Variants in R3HDM4 observed in about 807,000 individuals in gnomAD.
R3HDM4 encodes R3H domain containing 4.
In R3HDM4, 30 loss-of-function variants were observed where a neutral mutation model predicts 31.3. The observed-to-expected ratio is 0.96, with a 90% CI of 0.72 to 1.30. The LOEUF (loss-of-function observed/expected upper bound fraction) is 1.30. R3HDM4 is among the 50% of genes most tolerant of loss of function. R3HDM4 has a pLI of 0.00. For synonymous variants in R3HDM4, 196 were observed against 156.6 expected, an observed-to-expected ratio of 1.25 and a Z score of -1.88; for missense variants, 444 against 366.1, an observed-to-expected ratio of 1.21 and a Z score of -1.74.
In R3HDM4 at chr19:897,536, A is replaced by C; in HGVS notation, c.708T>G (p.Ala236=). The change falls in exon 8 of 8, where the codon GCT becomes GCG. Residue 236 remains alanine (A), a synonymous_variant. Coordinates refer to ENST00000361574, the MANE Select transcript of R3HDM4 (RefSeq NM_138774.4). ...CQYMDLISAS[A]DLEGKRQMKV... The stretch of plus-strand genomic sequence containing the variant: ...TCATCTGCCGCTTCCCCTCCAGGTC[A>C]GCACCTGCAGACGGGACCAGCGGGG... The C allele has an allele frequency of 4.3e-6, 7 of 1,610,842 alleles. No individual in the cohort carries two copies. Among genetic ancestry groups the C allele is most frequent in the Non-Finnish European group, 5.9e-6 (7 of 1,178,630 alleles).
intron 1 of R3HDM4, among the ~76,000 whole-genome samples, chr19:905,866 C>T (rs916647792): frequency 2.6e-5 from 4 of 152,154 alleles, no homozygotes; most frequent in Non-Finnish European, 4.4e-5. Flanking sequence ...GGCAGAGGCA[C>T]GGGTCAAGCT....
rs1000829934 is a variant in R3HDM4, at chr19:902,079, G to A, written c.123C>T (p.Leu41=). Residue 41 remains leucine, a synonymous_variant, in exon 2 of 8, where the codon CTC becomes CTT. Coordinates refer to ENST00000361574, the MANE Select transcript of R3HDM4 (RefSeq NM_138774.4). ...PALASSQVKR[L]SASRRKQHFI... ...AGTGCTGTTTCCGCCTGGAAGCCGAGAGTCTCTTCACCTGGGAGCTGGCTA... is the reference window on the plus strand; with the variant it reads ...AGTGCTGTTTCCGCCTGGAAGCCGAAAGTCTCTTCACCTGGGAGCTGGCTA... 25 of 1,613,778 alleles carry A rather than the reference G, an allele frequency of 1.5e-5. No homozygotes were observed. Among genetic ancestry groups the A allele is most frequent in the Non-Finnish European group, 2.1e-5 (25 of 1,180,018 alleles).
intron 1 of R3HDM4, among the ~76,000 whole-genome samples, chr19:906,638 GT>G (rs893493605): frequency 2.6e-5 from 4 of 152,058 alleles, no homozygotes; most frequent in Non-Finnish European, 1.5e-5. Context: ...CCACTTGCTT[GT>G]TTTCCTCCTA....
chr19:907,557 G>A lies in R3HDM4; in HGVS notation c.72-5427C>T, dbSNP rs988183107. On this transcript the variant is annotated intron_variant, in intron 1 of 7. Coordinates refer to ENST00000361574, the MANE Select transcript of R3HDM4 (RefSeq NM_138774.4). The surrounding 1 kb of genome is among the most constrained non-coding windows in gnomAD (Gnocchi z 4.1). Reference sequence around the variant, plus strand: ...GCTTGGAGAGGTGGGGCTGTCCCCCGTCACCACCCAGACAATGCAAGGAGC... The same window carrying A: ...GCTTGGAGAGGTGGGGCTGTCCCCCATCACCACCCAGACAATGCAAGGAGC... 2.6e-5 allele frequency among the ~76,000 whole-genome samples: 4 copies of A among 152,046 alleles called. No individual in the cohort carries two copies. Among genetic ancestry groups the A allele is most frequent in the African/African-American group, 9.7e-5 (4 of 41,406 alleles).
In R3HDM4 at chr19:907,817, G is replaced by A. The variant is rs761868385; in HGVS notation, c.71+5270C>T. On this transcript the variant is annotated intron_variant, in intron 1 of 7. Transcript: ENST00000361574. The surrounding 1 kb of genome is among the most constrained non-coding windows in gnomAD (Gnocchi z 4.1). ...TGTTTTGTTTGGTATCTGAGGGCTC[G>A]CCACCCTCCCCTGGGTCTCTAGTGC... Among the ~76,000 whole-genome samples the A allele has an allele frequency of 3.9e-5, 6 of 152,274 alleles. No homozygotes were observed. In the East Asian group the frequency reaches 1.2e-3, roughly 29 times the overall value.
rs765056336 is a variant in R3HDM4, at chr19:900,931, G to A, written c.373C>T (p.Arg125Cys). Residue 125 changes from arginine (R) to cysteine (C), a missense_variant, in exon 4 of 8, where the codon CGC becomes TGC. Arg to Cys is a radical substitution (Grantham distance 180). Coordinates refer to ENST00000361574, the MANE Select transcript of R3HDM4 (RefSeq NM_138774.4). ...ACCCGCTCCTGCTCCTCCCCGGAGC[G>A]GTTCATGAAATCGTTCCAGACCTGG... Reference protein sequence around the residue: ...YVEVWNDFMNRSGEEQERVLR... With the variant: ...YVEVWNDFMNCSGEEQERVLR... 9.3e-6 allele frequency: 15 copies of A among 1,605,664 alleles called. No individual in the cohort carries two copies. The Admixed American group carries it at 1.9e-4, about 20-fold the overall frequency.
At position 913,050 on chromosome 19, in the gene R3HDM4, C is replaced by CGGCG; in HGVS notation, c.71+36_71+37insCGCC. On this transcript the variant is annotated intron_variant, in intron 1 of 7. Coordinates refer to ENST00000361574, the MANE Select transcript of R3HDM4 (RefSeq NM_138774.4). This position sits in a 1 kb window ranked among gnomAD's most constrained non-coding sequence, Gnocchi z 5.0. ...TCTCAGGGGAGGGAGCCCAGCCCGCCCCCGGCGCCCGCCGCGCCCCGCCCG... is the reference window on the plus strand; with the variant it reads ...TCTCAGGGGAGGGAGCCCAGCCCGCCGGCGCCCGGCGCCCGCCGCGCCCCGCCCG... 1 of 886,832 alleles carries CGGCG rather than the reference C, an allele frequency of 1.1e-6. No individual in the cohort carries two copies. The highest frequency in any genetic ancestry group is 1.4e-6 in the Non-Finnish European group (1 of 729,882). 54.9% of individuals were successfully genotyped at this position (886,832 alleles called of 1,614,324 possible). A position where few individuals can be genotyped will look rare whatever the true frequency, so the allele number is the denominator to read the frequency against.
rs11880031 is a variant in R3HDM4, at chr19:900,096, G to C, written c.526C>G (p.Leu176Val). Residue 176 changes from leucine (L) to valine (V), a missense_variant, in exon 5 of 8, where the codon CTG becomes GTG. Leu to Val is a conservative substitution (Grantham distance 32). Coordinates refer to ENST00000361574, the MANE Select transcript of R3HDM4 (RefSeq NM_138774.4). The stretch of plus-strand genomic sequence containing the variant: ...CGGCTGCGCTTGAGGACGGCTCGCA[G>C]ACGCCGGCTGATGCGCTGGAAGCAC... ...RECFQRISRR[L>V]RAVLKRSRIP... The C allele has an allele frequency of 1.2e-6, 2 of 1,608,562 alleles. No individual in the cohort carries two copies. The highest frequency in any genetic ancestry group is 1.7e-6 in the Non-Finnish European group (2 of 1,177,970).
At chr19:911,894 G>A (rs1019611034) in intron 1 of R3HDM4, among the ~76,000 whole-genome samples, 1 of 151,854 alleles carries the variant, frequency 6.6e-6, no homozygotes, top group Non-Finnish European at 1.5e-5. Flanking sequence ...GGGTCTGCCC[G>A]GAAAGGCAGG....
chr19:902,077 G>T lies in R3HDM4; in HGVS notation c.125C>A (p.Ser42Ter). Residue 42 changes from serine to a stop codon, truncating the protein, a stop_gained, in exon 2 of 8, where the codon TCG becomes TAG. Coordinates refer to ENST00000361574, the MANE Select transcript of R3HDM4 (RefSeq NM_138774.4). LOFTEE classifies it high-confidence loss of function. ...GAAGTGCTGTTTCCGCCTGGAAGCCGAGAGTCTCTTCACCTGGGAGCTGGC... is the reference window on the plus strand; with the variant it reads ...GAAGTGCTGTTTCCGCCTGGAAGCCTAGAGTCTCTTCACCTGGGAGCTGGC... Reference protein sequence around the residue: ...ALASSQVKRLSASRRKQHFIN... With the variant: ...ALASSQVKRL The T allele has an allele frequency of 6.2e-7, 1 of 1,613,862 alleles. No individual in the cohort carries two copies. The highest frequency in any genetic ancestry group is 8.5e-7 in the Non-Finnish European group (1 of 1,180,000).
In R3HDM4 at chr19:906,095, G is replaced by C. The variant is rs916896964; in HGVS notation, c.72-3965C>G. ...GCTGGAGCGCAGTGGTGCGATCTCC[G>C]CTCACTGCAACCTCTGCCTCCCAGG... is the stretch of plus-strand genomic sequence containing the variant. On this transcript the variant is annotated intron_variant, in intron 1 of 7. Transcript: ENST00000361574. Among the ~76,000 whole-genome samples the C allele has an allele frequency of 7.2e-5, 11 of 151,994 alleles. 1 individual carries two copies. Among genetic ancestry groups the C allele is most frequent in the Non-Finnish European group, 1.5e-5 (1 of 68,000 alleles).
chr19:899,696 G>A lies in R3HDM4; in HGVS notation c.562-10C>T, dbSNP rs368140699. 304 of 1,563,028 alleles carry A rather than the reference G, an allele frequency of 1.9e-4. No individual in the cohort carries two copies. Among genetic ancestry groups the A allele is most frequent in the Non-Finnish European group, 2.5e-4 (292 of 1,154,372 alleles). ...AGGTCTCCAGCGTTTCCTGGGGAGA[G>A]CGGCCCGGTGGTCAGGGAACTGCGG... On this transcript the variant is annotated splice_polypyrimidine_tract_variant and intron_variant, in intron 5 of 7. Coordinates refer to ENST00000361574, the MANE Select transcript of R3HDM4 (RefSeq NM_138774.4). This position sits in a 1 kb window ranked among gnomAD's most constrained non-coding sequence, Gnocchi z 6.8.
intron 1 of R3HDM4, among the ~76,000 whole-genome samples, chr19:911,175 G>A (rs2036967566): frequency 6.6e-6 from 1 of 151,898 alleles, no homozygotes; most frequent in Non-Finnish European, 1.5e-5. Context: ...ACCGGGTGCG[G>A]TGGCTCACGC....
intron 1 of R3HDM4, among the ~76,000 whole-genome samples, chr19:904,904 T>A (rs1461853998): frequency 6.6e-6 from 1 of 151,944 alleles, no homozygotes; most frequent in African/African-American, 2.4e-5. Flanking sequence ...TACATCTCAA[T>A]CAAAAGTAAA....
At position 900,863 on chromosome 19, in the gene R3HDM4, C is replaced by A. The variant is rs758111135; in HGVS notation, c.441G>T (p.Arg147Ser). Residue 147 changes from arginine (R) to serine (S), a missense_variant, in exon 4 of 8, where the codon AGG (arginine) becomes AGT (serine). Transcript: ENST00000361574. ...LEDEGRSKAR[R>S]RGPGRGEDRR... ...GGTCCTCCCCACGGCCAGGGCCCCT[C>A]CTCCGCGCCTTGCTCCTGCCCTCAT... is the stretch of plus-strand genomic sequence containing the variant. 6.4e-7 allele frequency: 1 copy of A among 1,555,616 alleles called. No individual in the cohort carries two copies. The highest frequency in any genetic ancestry group is 1.2e-5 in the South Asian group (1 of 84,472).
At chr19:901,107 G>C in intron 3 of R3HDM4, 155 bp from the exon 4 acceptor site, 1 of 1,032,650 alleles carries the variant, frequency 9.7e-7, no homozygotes, top group Non-Finnish European at 1.4e-6. Flanking sequence ...CGGGCCCTGA[G>C]CTGAGCGCAG....
chr19:911,889 T>A (rs1045446633), intron 1 of R3HDM4, among the ~76,000 whole-genome samples: 9 of 151,776 alleles, frequency 5.9e-5, no homozygotes, highest in African/African-American at 2.2e-4. Flanking sequence ...GAGCCGGGTC[T>A]GCCCGGAAAG....
rs1203602056 is a variant in R3HDM4 at position 899,926 on chromosome 19, C to G, written c.561+135G>C. The stretch of plus-strand genomic sequence containing the variant: ...TTGCCCCCGCCCTCCTACTCAGGGC[C>G]CTGGTGCCGCTGTCTGTATCCTGCC... On this transcript the variant is annotated intron_variant, in intron 5 of 7. Transcript: ENST00000361574. The surrounding 1 kb of genome is among the most constrained non-coding windows in gnomAD (Gnocchi z 6.8). The G allele has an allele frequency of 2.2e-5, 21 of 965,656 alleles. No individual in the cohort carries two copies. The highest frequency in any genetic ancestry group is 6.0e-5 in the South Asian group (4 of 66,332). The allele number at this position is 965,656 out of a possible 1,614,324, so 59.8% of individuals were successfully genotyped here.
chr19:905,039 T>G (rs942974492), intron 1 of R3HDM4, among the ~76,000 whole-genome samples: 1 of 151,240 alleles, frequency 6.6e-6, no homozygotes, highest in Non-Finnish European at 1.5e-5. Context: ...AAACCCCGTC[T>G]CTACTAAAAA....
Sources: gnomAD v4.1 joint callset for allele counts (sites outside exome capture counted in the v4.1 genomes callset) on GRCh38, gnomAD v4.1.1 for gene constraint, Gnocchi (gnomAD v3.1) non-coding constraint, MANE v1.5 for transcripts, NCBI Gene and HGNC (gene_info 2026-07-23, HGNC 2026-07-21) for gene names.